The following HTATIP2 variants were observed in gnomAD, a reference collection of about 807,000 sequenced individuals.
HTATIP2 encodes the protein HIV-1 Tat interactive protein 2, also known as protein HTATIP2.
HTATIP2 carries 26 observed loss-of-function variants against 24.7 expected under a neutral mutation model. The ratio of observed to expected loss-of-function variants is 1.05; its 90% CI spans 0.77 to 1.46. The LOEUF is 1.46. Ranked by LOEUF, HTATIP2 falls within the 40% of genes most tolerant of loss-of-function variation. HTATIP2 has a pLI of 0.00. For synonymous variants in HTATIP2, 99 were observed against 113.2 expected, an observed-to-expected ratio of 0.87 and a Z score of 0.79; for missense variants, 284 against 289.6, an observed-to-expected ratio of 0.98 and a Z score of 0.14.
chr11:20,383,123 G>A lies in HTATIP2; in HGVS notation c.647G>A (p.Arg216Lys). Residue 216 changes from arginine to lysine, a missense_variant, in exon 5 of 5, where the codon AGA (arginine) becomes AAA (lysine). Coordinates refer to ENST00000451739, the MANE Select transcript of HTATIP2 (RefSeq NM_001098522.2). ...VVRAMLNNVV[R>K]PRDKQMELLE... is the part of the protein sequence containing the mutation. ...AGAGCAATGCTGAACAATGTGGTGAGACCAAGAGACAAGCAGATGGAACTG... is the reference window on the plus strand; with the variant it reads ...AGAGCAATGCTGAACAATGTGGTGAAACCAAGAGACAAGCAGATGGAACTG... 2 of 1,614,010 alleles carry A rather than the reference G, an allele frequency of 1.2e-6. No individual in the cohort carries two copies. Among genetic ancestry groups the A allele is most frequent in the Non-Finnish European group, 1.7e-6 (2 of 1,180,022 alleles).
intron 2 of HTATIP2, among the ~76,000 whole-genome samples, chr11:20,372,119 T>A (rs2064778492): frequency 6.6e-6 from 1 of 152,136 alleles, no homozygotes; most frequent in African/African-American, 2.4e-5. Context: ...TTTTATAAAT[T>A]AATTAATTTT....
At chr11:20,369,170 C>T (rs374572991) in intron 2 of HTATIP2, among the ~76,000 whole-genome samples, 9 of 152,096 alleles carry the variant, frequency 5.9e-5, no homozygotes, top group African/African-American at 1.9e-4. Context: ...GGCTAAGTAA[C>T]GATAGTGTTT....
In HTATIP2 at chr11:20,379,057, AAACAACAAC is replaced by A. The variant is rs72394512; in HGVS notation, c.441+2358_441+2366del. ...TCTCAAAAACAAAACAAAACAAAAC[AAACAACAAC>A]AACAACAACAACAACAAAAACACCA... is the stretch of plus-strand genomic sequence containing the variant. On this transcript the variant is annotated intron_variant, in intron 3 of 4. Coordinates refer to ENST00000451739, the MANE Select transcript of HTATIP2 (RefSeq NM_001098522.2). Among the ~76,000 whole-genome samples the A allele has an allele frequency of 7.3e-3, 1,108 of 151,482 alleles. 18 individuals are homozygous for A. The highest frequency in any genetic ancestry group is 0.025 in the African/African-American group (1,042 of 41,254).
chr11:20,372,745 T>C (rs984546126), intron 2 of HTATIP2, among the ~76,000 whole-genome samples: 2 of 152,206 alleles, frequency 1.3e-5, no homozygotes, highest in Non-Finnish European at 2.9e-5. Flanking sequence ...AGTTAGTTTT[T>C]CTGTTGTTTT....
At chr11:20,365,970 C>CAAAA (rs1161230646) in intron 1 of HTATIP2, among the ~76,000 whole-genome samples, 3 of 96,778 alleles carry the variant, frequency 3.1e-5, no homozygotes, top group Admixed American at 2.2e-4. Context: ...GACTCTGTCT[C>CAAAA]AAAAAAAAAA....
chr11:20,365,013 T>A (rs2133261311), intron 1 of HTATIP2, among the ~76,000 whole-genome samples: 1 of 146,264 alleles, frequency 6.8e-6, no homozygotes, highest in African/African-American at 2.6e-5. Flanking sequence ...AGACGGAGTC[T>A]CACTCTGTCC....
rs144330888 is a variant in HTATIP2, at chr11:20,371,056, C to T, written c.303+3775C>T. On this transcript the variant is annotated intron_variant, in intron 2 of 4. Coordinates refer to ENST00000451739, the MANE Select transcript of HTATIP2 (RefSeq NM_001098522.2). Reference sequence around the variant, plus strand: ...ACATAAAGTGGTATTGGGACACAGCCATGCTTATTACTTTATGTATTATCT... The same window carrying T: ...ACATAAAGTGGTATTGGGACACAGCTATGCTTATTACTTTATGTATTATCT... 2.5e-3 allele frequency among the ~76,000 whole-genome samples: 387 copies of T among 152,306 alleles called. 2 individuals are homozygous for T. Among genetic ancestry groups the T allele is most frequent in the African/African-American group, 8.9e-3 (369 of 41,570 alleles).
At position 20,364,069 on chromosome 11, in the gene HTATIP2, A is replaced by G. The variant is rs895072553; in HGVS notation, c.-169A>G. 4 of 1,363,674 alleles carry G rather than the reference A, an allele frequency of 2.9e-6. No individual in the cohort carries two copies. The highest frequency in any genetic ancestry group is 3.8e-6 in the Non-Finnish European group (4 of 1,058,718). 84.5% of individuals were successfully genotyped at this position (1,363,674 alleles called of 1,614,324 possible). The stretch of plus-strand genomic sequence containing the variant: ...GGGTCTGCTGGCTCAGGTGCGGGCG[A>G]TGGCCGGGGAGCCGCGCCCCGCACG... On this transcript the variant is annotated 5_prime_UTR_variant, in exon 1 of 5. It removes an upstream start codon present in the reference 5' UTR. Coordinates refer to ENST00000451739, the MANE Select transcript of HTATIP2 (RefSeq NM_001098522.2).
At chr11:20,367,546 A>G (rs2064724440) in intron 2 of HTATIP2, 1 of 1,426,100 alleles carries the variant, frequency 7.0e-7, no homozygotes, top group Non-Finnish European at 9.1e-7. Flanking sequence ...GATTATCGCT[A>G]TCACTACATC....
chr11:20,383,478 T>C lies in HTATIP2; in HGVS notation c.*273T>C. 2.5e-6 allele frequency: 1 copy of C among 406,576 alleles called. No individual in the cohort carries two copies. The highest frequency in any genetic ancestry group is 4.4e-6 in the Non-Finnish European group (1 of 226,936). 25.2% of individuals were successfully genotyped at this position (406,576 alleles called of 1,614,324 possible). ...GGGGTGTGGGCACAATAATCTGTAA[T>C]TTTCTTTGTTTATACTTCCCCTGAT... On this transcript the variant is annotated 3_prime_UTR_variant, in exon 5 of 5. Coordinates refer to ENST00000451739, the MANE Select transcript of HTATIP2 (RefSeq NM_001098522.2).
At chr11:20,364,574 A>C in intron 1 of HTATIP2, 142 bp downstream of exon 1, 1 of 664,800 alleles carries the variant, frequency 1.5e-6, no homozygotes, top group Non-Finnish European at 2.5e-6. Context: ...GGTCTGTGAG[A>C]GTCCCTCCCA....
intron 2 of HTATIP2, among the ~76,000 whole-genome samples, chr11:20,370,473 T>G (rs2064760164): frequency 6.6e-6 from 1 of 152,196 alleles, no homozygotes; most frequent in Non-Finnish European, 1.5e-5. Context: ...TTCTGTTGAG[T>G]GGATGATGTC....
chr11:20,382,969 TTTTA>T lies in HTATIP2; in HGVS notation c.504-7_504-4del. The T allele has an allele frequency of 6.4e-7, 1 of 1,574,434 alleles. No homozygotes were observed. On this transcript the variant is annotated splice_region_variant and splice_polypyrimidine_tract_variant and intron_variant, in intron 4 of 4. Transcript: ENST00000451739. ...CTGCTTTTCTTTCTTTTTTTTTTTT[TTTTA>T]TTTTAGAGTTCTGTTATGTGATAGG... is the stretch of plus-strand genomic sequence containing the variant.
chr11:20,367,615 A>G (rs2064725234), intron 2 of HTATIP2: 7 of 1,297,802 alleles, frequency 5.4e-6, no homozygotes, highest in Non-Finnish European at 6.8e-6. Flanking sequence ...GCTGTTAACA[A>G]TCAGCTGTTT....
At chr11:20,367,981 G>C (rs2064730578) in intron 2 of HTATIP2, among the ~76,000 whole-genome samples, 2 of 152,116 alleles carry the variant, frequency 1.3e-5, no homozygotes, top group African/African-American at 4.8e-5. Flanking sequence ...TTTATACTTT[G>C]ACTATAGTTT....
Position 20,383,331 on chromosome 11 carries a change from A to G in HTATIP2, c.*126A>G. 1 of 681,042 alleles carries G rather than the reference A, an allele frequency of 1.5e-6. No individual in the cohort carries two copies. Among genetic ancestry groups the G allele is most frequent in the Non-Finnish European group, 2.5e-6 (1 of 401,424 alleles). 42.2% of individuals were successfully genotyped at this position (681,042 alleles called of 1,614,324 possible). ...TTACTATCCTCAGGCATCCATTCCA[A>G]TCAAGAAATGATGGTGCTCTGCATC... On this transcript the variant is annotated 3_prime_UTR_variant, in exon 5 of 5. Transcript: ENST00000451739.
intron 3 of HTATIP2, among the ~76,000 whole-genome samples, chr11:20,377,879 T>G (rs1477414166): frequency 6.6e-6 from 1 of 152,344 alleles, no homozygotes; most frequent in Non-Finnish European, 1.5e-5. Flanking sequence ...ATGACCCCCT[T>G]AATTGTATGT....
chr11:20,370,579 T>C (rs1335234438), intron 2 of HTATIP2, among the ~76,000 whole-genome samples: 1 of 152,248 alleles, frequency 6.6e-6, no homozygotes, highest in African/African-American at 2.4e-5. Flanking sequence ...TGATCTGCTC[T>C]TCTAATTCAA....
intron 2 of HTATIP2, among the ~76,000 whole-genome samples, chr11:20,375,672 A>G (rs1303653011): frequency 6.6e-6 from 1 of 152,218 alleles, no homozygotes; most frequent in Non-Finnish European, 1.5e-5. Context: ...TTCAGCTTCA[A>G]TAGACTTTAG....
Sources: allele counts gnomAD v4.1 joint callset (sites outside exome capture counted in the v4.1 genomes callset), GRCh38; gene constraint gnomAD v4.1.1; transcripts MANE v1.5; gene names NCBI Gene and HGNC (gene_info 2026-07-23, HGNC 2026-07-21).